ABLIM1: variants seen among roughly 807,000 people sequenced by gnomAD.
ABLIM1 encodes actin-binding LIM protein 1.
ABLIM1 carries 40 observed loss-of-function variants against 107.0 expected under a neutral mutation model. The ratio of observed to expected loss-of-function variants is 0.37; its 90% confidence interval spans 0.29 to 0.49. The LOEUF (loss-of-function observed/expected upper bound fraction) is 0.49, where lower values mean the gene tolerates loss of function less well. Among genes scored for constraint, ABLIM1 ranks in the 20% least tolerant of loss-of-function variants. ABLIM1 has a pLI of 0.97. For missense variants in ABLIM1, 857 were observed against 1,008.5 expected, an observed-to-expected ratio of 0.85 and a Z score of 2.04; for synonymous variants, 357 against 357.3, an observed-to-expected ratio of 1.00 and a Z score of 0.01.
At chr10:114,684,491 G>A (rs1349255248) in exon 1 of ABLIM1, 61 of 1,439,714 alleles carry the variant, frequency 4.2e-5, no homozygotes, top group Non-Finnish European at 5.5e-5. Flanking sequence ...CGAGGGAGGG[G>A]TGTGCCACCG....
In ABLIM1 at chr10:114,571,341, G is replaced by A. The variant is rs796914439; in HGVS notation, c.629C>T (p.Ala210Val). The A allele has an allele frequency of 1.2e-6, 2 of 1,614,082 alleles. No homozygotes were observed. Among genetic ancestry groups the A allele is most frequent in the Admixed American group, 1.7e-5 (1 of 60,008 alleles). Residue 210 changes from alanine (A) to valine (V), a missense_variant, in exon 4 of 23, where the codon GCA becomes GTA. Coordinates refer to ENST00000533213, the MANE Select transcript of ABLIM1 (RefSeq NM_002313.7). ...NGRDCLCQLC[A>V]QPMSSSPKET... is the part of the protein sequence containing the mutation. ...TTTCGGACTGGACGACATCGGCTGT[G>A]CACAGAGTTGACAAAGGCAGTCTCT...
upstream of ABLIM1, among the ~76,000 whole-genome samples, chr10:114,686,908 T>G (rs1326556835): frequency 6.6e-6 from 1 of 152,146 alleles, no homozygotes; most frequent in African/African-American, 2.4e-5. Flanking sequence ...ATTACAGGCA[T>G]GAGCCACAGT....
chr10:114,664,263 G>C (rs959106461), intron 1 of ABLIM1, among the ~76,000 whole-genome samples: 1 of 152,164 alleles, frequency 6.6e-6, no homozygotes, highest in African/African-American at 2.4e-5. Flanking sequence ...GAGACTGTGA[G>C]CTAACTAAAA....
chr10:114,474,788 AT>A (rs1182945666), intron 8 of ABLIM1, among the ~76,000 whole-genome samples: 1 of 152,134 alleles, frequency 6.6e-6, no homozygotes, highest in Non-Finnish European at 1.5e-5. Context: ...AATTGTAATA[AT>A]CCCCACGTGT....
chr10:114,622,558 ATTC>A (rs1394843490), intron 1 of ABLIM1, among the ~76,000 whole-genome samples: 1 of 152,136 alleles, frequency 6.6e-6, no homozygotes, highest in East Asian at 1.9e-4. Context: ...ACTTTTCTTA[ATTC>A]TTCTTAAACT....
chr10:114,771,331 T>C (rs574861037), upstream of ABLIM1, among the ~76,000 whole-genome samples: 2 of 152,332 alleles, frequency 1.3e-5, no homozygotes, highest in Admixed American at 6.5e-5. Context: ...TAAGGCACCT[T>C]TCCCAATACT....
intron 1 of ABLIM1, among the ~76,000 whole-genome samples, chr10:114,718,195 T>C (rs1023794594): frequency 6.6e-6 from 1 of 151,816 alleles, no homozygotes; most frequent in Admixed American, 6.6e-5. Context: ...CTCTTTAAGC[T>C]AGGATTCTGT....
the ABLIM1 span, among the ~76,000 whole-genome samples, chr10:114,783,019 C>T: frequency 3.9e-5 from 6 of 152,094 alleles, no homozygotes; most frequent in Admixed American, 6.5e-5. Context: ...CGGTGGCTCA[C>T]GCCTGTAATC....
intron 4 of ABLIM1, among the ~76,000 whole-genome samples, chr10:114,568,598 G>GTATC (rs1188167270): frequency 6.6e-6 from 1 of 152,076 alleles, no homozygotes; most frequent in Admixed American, 6.6e-5. Context: ...TTGCAAGTGT[G>GTATC]TATCTATATA....
chr10:114,704,302 C>CTCTCTCTATATA (rs1380460034), intron 1 of ABLIM1, among the ~76,000 whole-genome samples: 2 of 43,058 alleles, frequency 4.6e-5, no homozygotes, highest in South Asian at 1.3e-3. Flanking sequence ...CTCTCTCTCT[C>CTCTCTCTATATA]TATATATATA....
At chr10:114,497,461 C>A (rs886382718) in intron 6 of ABLIM1, among the ~76,000 whole-genome samples, 1 of 151,150 alleles carries the variant, frequency 6.6e-6, no homozygotes, top group Non-Finnish European at 1.5e-5. Flanking sequence ...GGGCAGATCA[C>A]GAGGTCAGGA....
intron 1 of ABLIM1, among the ~76,000 whole-genome samples, chr10:114,727,626 T>A (rs1017527192): frequency 2.0e-5 from 3 of 152,188 alleles, no homozygotes; most frequent in Non-Finnish European, 2.9e-5. Flanking sequence ...ACTCAAATCA[T>A]AAAGAAAATA....
intron 8 of ABLIM1, chr10:114,485,201 G>T: frequency 1.1e-6 from 1 of 924,132 alleles, no homozygotes; most frequent in Non-Finnish European, 1.5e-6. Context: ...TGCAGGAGCC[G>T]AAGAAGTTAT....
intron 1 of ABLIM1, among the ~76,000 whole-genome samples, chr10:114,742,530 C>T (rs143090393): frequency 1.3e-5 from 2 of 152,308 alleles, no homozygotes; most frequent in East Asian, 3.9e-4. Flanking sequence ...AGGCAGAATA[C>T]CCAGACCAGC....
intron 1 of ABLIM1, among the ~76,000 whole-genome samples, chr10:114,757,735 A>G (rs1400164087): frequency 6.6e-6 from 1 of 152,142 alleles, no homozygotes; most frequent in African/African-American, 2.4e-5. Flanking sequence ...CTTACCATCT[A>G]CATGTTGACT....
intron 6 of ABLIM1, among the ~76,000 whole-genome samples, chr10:114,522,328 A>G (rs1018673277): frequency 2.0e-5 from 3 of 152,168 alleles, no homozygotes; most frequent in Non-Finnish European, 4.4e-5. Context: ...TATTCCCTAA[A>G]CTTCGTTATA....
At chr10:114,705,521 C>T (rs1452961510) in intron 1 of ABLIM1, among the ~76,000 whole-genome samples, 1 of 152,062 alleles carries the variant, frequency 6.6e-6, no homozygotes, top group Non-Finnish European at 1.5e-5. Context: ...AGAGGCTTGA[C>T]ATAACGAGTA....
chr10:114,780,059 G>A, the ABLIM1 span, among the ~76,000 whole-genome samples: 1,287 of 152,180 alleles, frequency 8.5e-3, 8 homozygotes, highest in Non-Finnish European at 0.015. Context: ...AAATAAAAGG[G>A]CTGTGGCTGG....
chr10:114,622,116 A>T (rs893031567), intron 1 of ABLIM1, among the ~76,000 whole-genome samples: 1 of 152,182 alleles, frequency 6.6e-6, no homozygotes, highest in African/African-American at 2.4e-5. Context: ...GAGATGGTCC[A>T]TGGACCCAGG....
Sources: allele counts gnomAD v4.1 joint callset (sites outside exome capture counted in the v4.1 genomes callset), GRCh38; gene constraint gnomAD v4.1.1; transcripts MANE v1.5; gene names NCBI Gene and HGNC (gene_info 2026-07-23, HGNC 2026-07-21).